The following PRKCB variants were observed in gnomAD, a reference collection of about 807,000 sequenced individuals.
PRKCB encodes the protein protein kinase C beta type.
Under a neutral mutation model 81.5 loss-of-function variants are expected in PRKCB, and 13 were observed. That is an observed-to-expected ratio of 0.16 (90% CI 0.10 to 0.25). PRKCB has a LOEUF of 0.25. Among genes scored for constraint, PRKCB ranks in the 10% least tolerant of loss-of-function variants. The probability of loss-of-function intolerance (pLI) is 1.00; values close to 1 mark genes in which losing one functional copy is unlikely to be tolerated. For synonymous variants in PRKCB, 335 were observed against 321.4 expected (o/e 1.04, Z -0.45); for missense variants, 509 against 875.7 (o/e 0.58, Z 5.29).
intron 16 of PRKCB, among the ~76,000 whole-genome samples, chr16:24,202,597 CAG>C (rs1967976077): frequency 1.3e-5 from 2 of 152,222 alleles, no homozygotes; most frequent in Non-Finnish European, 2.9e-5. Flanking sequence ...TTCTCCTTCC[CAG>C]AGACACCCAT....
At chr16:24,045,586 C>T (rs2141865426) in intron 5 of PRKCB, among the ~76,000 whole-genome samples, 1 of 152,162 alleles carries the variant, frequency 6.6e-6, no homozygotes, top group East Asian at 1.9e-4. Context: ...GCTGTGGCTT[C>T]CCAACCCTCA....
intron 5 of PRKCB, among the ~76,000 whole-genome samples, chr16:24,064,661 A>G (rs1469053451): frequency 1.3e-5 from 2 of 152,088 alleles, no homozygotes; most frequent in Non-Finnish European, 2.9e-5. Context: ...TCTGTTACTG[A>G]AAGAATTGGA....
intron 2 of PRKCB, among the ~76,000 whole-genome samples, chr16:23,933,789 TCCA>T (rs1330596944): frequency 6.8e-6 from 1 of 147,954 alleles, no homozygotes; most frequent in South Asian, 2.2e-4. Flanking sequence ...CATCCATCCA[TCCA>T]TCCATCCATC....
At chr16:23,988,208 A>G (rs1964826686) in intron 2 of PRKCB, among the ~76,000 whole-genome samples, 1 of 152,222 alleles carries the variant, frequency 6.6e-6, no homozygotes, top group Admixed American at 6.5e-5. Context: ...TTCCAAAATC[A>G]ATAGAAGACA....
chr16:23,869,503 A>G (rs768284470), intron 2 of PRKCB, among the ~76,000 whole-genome samples: 6 of 152,154 alleles, frequency 3.9e-5, no homozygotes, highest in Non-Finnish European at 5.9e-5. Context: ...AATCCTATCC[A>G]TGGTCTTTTT....
intron 7 of PRKCB, among the ~76,000 whole-genome samples, chr16:24,108,093 G>A (rs1966600820): frequency 6.6e-6 from 1 of 151,886 alleles, no homozygotes; most frequent in African/African-American, 2.4e-5. Context: ...TCGATTGAGA[G>A]CCTTTAGTAA....
intron 10 of PRKCB, among the ~76,000 whole-genome samples, chr16:24,155,245 G>C (rs879487364): frequency 2.0e-5 from 3 of 152,166 alleles, no homozygotes; most frequent in Non-Finnish European, 4.4e-5. Context: ...GGTTGCCTGA[G>C]GCCTTTGCAT....
At chr16:24,195,046 A>T (rs1428401548) in intron 16 of PRKCB, among the ~76,000 whole-genome samples, 4 of 152,224 alleles carry the variant, frequency 2.6e-5, no homozygotes, top group African/African-American at 9.6e-5. Context: ...TCTACAAAAA[A>T]TACAAACGTT....
intron 2 of PRKCB, among the ~76,000 whole-genome samples, chr16:23,970,686 G>A (rs1292651747): frequency 6.6e-6 from 1 of 152,166 alleles, no homozygotes; most frequent in African/African-American, 2.4e-5. Flanking sequence ...ACACTTTCAG[G>A]GTTGTTGAGA....
chr16:23,943,000 C>A (rs1964157308), intron 2 of PRKCB, among the ~76,000 whole-genome samples: 2 of 152,138 alleles, frequency 1.3e-5, no homozygotes, highest in Non-Finnish European at 2.9e-5. Context: ...CCGGAGCATC[C>A]AGAGCAACTC....
intron 2 of PRKCB, among the ~76,000 whole-genome samples, chr16:23,852,403 C>T (rs1023715827): frequency 2.6e-5 from 4 of 152,108 alleles, no homozygotes; most frequent in African/African-American, 7.2e-5. Flanking sequence ...ATTTTGTTAA[C>T]ATGGGTATCA....
At chr16:24,008,995 CAG>C (rs1965165166) in intron 3 of PRKCB, among the ~76,000 whole-genome samples, 1 of 151,942 alleles carries the variant, frequency 6.6e-6, no homozygotes, top group African/African-American at 2.4e-5. Flanking sequence ...ATAATGTCCT[CAG>C]GGTTCATCTA....
At chr16:23,949,000 A>G (rs1485924616) in intron 2 of PRKCB, among the ~76,000 whole-genome samples, 2 of 152,298 alleles carry the variant, frequency 1.3e-5, no homozygotes, top group East Asian at 3.9e-4. Context: ...TTTTTTACTG[A>G]CAACGCATAA....
chr16:24,003,755 G>A (rs978806932), intron 3 of PRKCB, among the ~76,000 whole-genome samples: 21 of 152,122 alleles, frequency 1.4e-4, no homozygotes, highest in Admixed American at 2.0e-4. Context: ...CTGGGAGAAC[G>A]AACTCTTATA....
intron 3 of PRKCB, among the ~76,000 whole-genome samples, chr16:23,995,899 T>G (rs1050481751): frequency 8.6e-5 from 13 of 151,702 alleles, no homozygotes; most frequent in Admixed American, 6.6e-4. Flanking sequence ...CACCCAGAAG[T>G]GGACAGCTAC....
chr16:23,903,579 G>A (rs1432894246), intron 2 of PRKCB, among the ~76,000 whole-genome samples: 1 of 152,172 alleles, frequency 6.6e-6, no homozygotes, highest in Non-Finnish European at 1.5e-5. Context: ...TGGGAGGGAA[G>A]AGAGTATTAA....
intron 16 of PRKCB, among the ~76,000 whole-genome samples, chr16:24,193,068 TCTCAC>T (rs1225543593): frequency 6.6e-6 from 1 of 152,038 alleles, no homozygotes; most frequent in Non-Finnish European, 1.5e-5. Context: ...CATGCGATGC[TCTCAC>T]CTCAGCCTCC....
At chr16:23,865,443 C>T (rs1325448091) in intron 2 of PRKCB, among the ~76,000 whole-genome samples, 1 of 121,870 alleles carries the variant, frequency 8.2e-6, no homozygotes, top group Non-Finnish European at 1.7e-5. Flanking sequence ...GCTGGAACTA[C>T]AGGCATGTAC....
At chr16:24,128,328 T>C (rs1024090293) in intron 9 of PRKCB, among the ~76,000 whole-genome samples, 1 of 152,230 alleles carries the variant, frequency 6.6e-6, no homozygotes, top group East Asian at 1.9e-4. Context: ...TGAGCCGAGA[T>C]CGTGCCACTG....
Sources: gnomAD v4.1 joint callset for allele counts (sites outside exome capture counted in the v4.1 genomes callset) on GRCh38, gnomAD v4.1.1 for gene constraint, MANE v1.5 for transcripts, NCBI Gene and HGNC (gene_info 2026-07-23, HGNC 2026-07-21) for gene names.